CACNA2D2: variants seen among roughly 807,000 people sequenced by gnomAD.
CACNA2D2 encodes calcium voltage-gated channel auxiliary subunit alpha2delta 2.
Under a neutral mutation model 166.4 loss-of-function variants are expected in CACNA2D2, and 48 were observed. That is an observed-to-expected ratio of 0.29 (90% CI 0.23 to 0.37). The LOEUF is 0.37. Ranked by LOEUF, CACNA2D2 falls within the 10% of genes least tolerant of loss-of-function variation. CACNA2D2 has a pLI of 1.00. For missense variants in CACNA2D2, 1,122 were observed against 1,433.0 expected, an observed-to-expected ratio of 0.78 and a Z score of 3.50; for synonymous variants, 561 against 573.7, an observed-to-expected ratio of 0.98 and a Z score of 0.32.
At chr3:50,435,701 G>A (rs1708288238) in intron 2 of CACNA2D2, among the ~76,000 whole-genome samples, 1 of 152,052 alleles carries the variant, frequency 6.6e-6, no homozygotes, top group Admixed American at 6.5e-5. Flanking sequence ...CCAGTGCCTG[G>A]CAGTCCAGGG....
rs1332691961 is a variant in CACNA2D2, at chr3:50,365,045, C to A, written c.3208+30G>T. On this transcript the variant is annotated intron_variant, in intron 36 of 37. Coordinates refer to ENST00000424201, the MANE Select transcript of CACNA2D2 (RefSeq NM_006030.4). This position sits in a 1 kb window ranked among gnomAD's most constrained non-coding sequence, Gnocchi z 4.5. ...GGGGGCGCGCGGGGCAGAGGGGGAG[C>A]GGGCGGCGGGGAGGGCGGGGGCAGG... 2 of 1,217,830 alleles carry A rather than the reference C, an allele frequency of 1.6e-6. No homozygotes were observed. Among genetic ancestry groups the A allele is most frequent in the African/African-American group, 3.2e-5 (2 of 62,476 alleles). The allele number at this position is 1,217,830 out of a possible 1,614,324, so 75.4% of individuals were successfully genotyped here. A position where few individuals can be genotyped will look rare whatever the true frequency, so the allele number is the denominator to read the frequency against.
chr3:50,442,503 C>T (rs780141986), intron 2 of CACNA2D2, among the ~76,000 whole-genome samples: 3 of 152,194 alleles, frequency 2.0e-5, no homozygotes, highest in Non-Finnish European at 4.4e-5. Context: ...TGCAATACCA[C>T]GGAGACACCT....
In CACNA2D2 at chr3:50,365,586, A is replaced by G. The variant is rs1370949278; in HGVS notation, c.2971+47T>C. On this transcript the variant is annotated intron_variant, in intron 34 of 37. Transcript: ENST00000424201. This position sits in a 1 kb window ranked among gnomAD's most constrained non-coding sequence, Gnocchi z 4.5. Reference sequence around the variant, plus strand: ...CCTCCCCATGGAGTCGTCTTAGCTCAGATTGGGGACCCGGACTTGAGGAGG... The same window carrying G: ...CCTCCCCATGGAGTCGTCTTAGCTCGGATTGGGGACCCGGACTTGAGGAGG... The G allele has an allele frequency of 7.0e-6, 11 of 1,576,010 alleles. No individual in the cohort carries two copies. The highest frequency in any genetic ancestry group is 9.5e-6 in the Non-Finnish European group (11 of 1,160,482).
rs1172338003 is a variant in CACNA2D2 at position 50,376,261 on chromosome 3, T to C, written c.1627-73A>G. On this transcript the variant is annotated intron_variant, in intron 17 of 37. Transcript: ENST00000424201. The surrounding 1 kb of genome is among the most constrained non-coding windows in gnomAD (Gnocchi z 4.3). ...TTCCCTGGGCTCCGGAGTTCTTCCC[T>C]ATTTGGCCTCCCACCGCACCGAGAG... The C allele has an allele frequency of 7.3e-6, 11 of 1,497,242 alleles. No homozygotes were observed. The highest frequency in any genetic ancestry group is 1.0e-5 in the Non-Finnish European group (11 of 1,085,670). 92.7% of individuals were successfully genotyped at this position (1,497,242 alleles called of 1,614,324 possible).
chr3:50,402,996 T>C (rs536829879), intron 3 of CACNA2D2, among the ~76,000 whole-genome samples: 1 of 152,168 alleles, frequency 6.6e-6, no homozygotes, highest in Admixed American at 6.5e-5. Context: ...TCTAGAGATA[T>C]GTGTGGGCAC....
At chr3:50,385,036 G>A (rs771286354) in intron 5 of CACNA2D2, among the ~76,000 whole-genome samples, 24 of 152,348 alleles carry the variant, frequency 1.6e-4, no homozygotes, top group Admixed American at 2.6e-4. Flanking sequence ...CAGCCTGACA[G>A]GTGCCAATTA....
At chr3:50,474,606 G>A (rs1358579427) in intron 2 of CACNA2D2, among the ~76,000 whole-genome samples, 4 of 152,188 alleles carry the variant, frequency 2.6e-5, no homozygotes, top group Admixed American at 1.3e-4. Context: ...TCAAGCTAAA[G>A]GTTTGAGGCA....
intron 1 of CACNA2D2, among the ~76,000 whole-genome samples, chr3:50,491,232 G>A (rs566789389): frequency 6.6e-6 from 1 of 152,348 alleles, no homozygotes; most frequent in Non-Finnish European, 1.5e-5. Flanking sequence ...AGATGAGGTG[G>A]CAGGGGGAGC....
In CACNA2D2 at chr3:50,365,611, G is replaced by T. The variant is rs1704214598; in HGVS notation, c.2971+22C>A. 6.4e-7 allele frequency: 1 copy of T among 1,572,872 alleles called. No individual in the cohort carries two copies. The highest frequency in any genetic ancestry group is 8.6e-7 in the Non-Finnish European group (1 of 1,158,760). ...AGATTGGGGACCCGGACTTGAGGAG[G>T]CGCCTCCAAAGCCCTACCTACCTGC... On this transcript the variant is annotated intron_variant, in intron 34 of 37. Coordinates refer to ENST00000424201, the MANE Select transcript of CACNA2D2 (RefSeq NM_006030.4). This position sits in a 1 kb window ranked among gnomAD's most constrained non-coding sequence, Gnocchi z 4.5.
Position 50,366,485 on chromosome 3 carries a change from C to T in CACNA2D2, c.2637+93G>A. 3 of 1,510,672 alleles carry T rather than the reference C, an allele frequency of 2.0e-6. No homozygotes were observed. Among genetic ancestry groups the T allele is most frequent in the South Asian group, 2.3e-5 (2 of 88,794 alleles). The allele number at this position is 1,510,672 out of a possible 1,614,324, so 93.6% of individuals were successfully genotyped here. On this transcript the variant is annotated intron_variant, in intron 30 of 37. Coordinates refer to ENST00000424201, the MANE Select transcript of CACNA2D2 (RefSeq NM_006030.4). This position sits in a 1 kb window ranked among gnomAD's most constrained non-coding sequence, Gnocchi z 5.9. ...GTCAGGGTGGGGATGTTGAGACCCACAGGCCAAGGGATGTGCTGGGAGTCG... is the reference window on the plus strand; with the variant it reads ...GTCAGGGTGGGGATGTTGAGACCCATAGGCCAAGGGATGTGCTGGGAGTCG...
chr3:50,408,970 T>C (rs762097190), intron 3 of CACNA2D2, among the ~76,000 whole-genome samples: 1 of 152,220 alleles, frequency 6.6e-6, no homozygotes, highest in Admixed American at 6.5e-5. Context: ...TGTTATCCAC[T>C]ACACCATCTC....
At chr3:50,420,731 T>G (rs1305648338) in intron 3 of CACNA2D2, among the ~76,000 whole-genome samples, 1 of 152,282 alleles carries the variant, frequency 6.6e-6, no homozygotes, top group East Asian at 1.9e-4. Flanking sequence ...CTGTCAGCTG[T>G]GTTTGCTGCA....
At chr3:50,443,027 C>T (rs866043584) in intron 2 of CACNA2D2, among the ~76,000 whole-genome samples, 6 of 152,126 alleles carry the variant, frequency 3.9e-5, no homozygotes, top group African/African-American at 1.2e-4. Flanking sequence ...TGAACCAAAC[C>T]GCAGGCAAGA....
intron 4 of CACNA2D2, among the ~76,000 whole-genome samples, chr3:50,389,987 G>A (rs1442280495): frequency 6.6e-6 from 1 of 151,122 alleles, no homozygotes; most frequent in Admixed American, 6.6e-5. Context: ...TGGAGCTGGG[G>A]GTGTGGCGGG....
Position 50,384,348 on chromosome 3 carries a change from G to A in CACNA2D2, c.511-11C>T. Reference sequence around the variant, plus strand: ...ACTCTCAGGGTCGTCCTGCAGAAAGGGCACCCCCGAGCAATGTCAGGGCTG... The same window carrying A: ...ACTCTCAGGGTCGTCCTGCAGAAAGAGCACCCCCGAGCAATGTCAGGGCTG... On this transcript the variant is annotated splice_polypyrimidine_tract_variant and intron_variant, in intron 5 of 37. Coordinates refer to ENST00000424201, the MANE Select transcript of CACNA2D2 (RefSeq NM_006030.4). The A allele has an allele frequency of 6.2e-7, 1 of 1,613,222 alleles. No homozygotes were observed. The highest frequency in any genetic ancestry group is 8.5e-7 in the Non-Finnish European group (1 of 1,179,478).
chr3:50,459,045 C>T (rs1445246652), intron 2 of CACNA2D2, among the ~76,000 whole-genome samples: 2 of 152,246 alleles, frequency 1.3e-5, no homozygotes, highest in Admixed American at 1.3e-4. Flanking sequence ...GGTGGCCCCA[C>T]ATCCAGAAAT....
chr3:50,428,762 A>G (rs1156927879), intron 3 of CACNA2D2, among the ~76,000 whole-genome samples: 1 of 152,170 alleles, frequency 6.6e-6, no homozygotes, highest in Non-Finnish European at 1.5e-5. Flanking sequence ...GCCCAAGGTC[A>G]CTAGGTCATC....
intron 5 of CACNA2D2, among the ~76,000 whole-genome samples, chr3:50,387,253 C>T (rs1705654475): frequency 6.6e-6 from 1 of 152,218 alleles, no homozygotes; most frequent in African/African-American, 2.4e-5. Context: ...TTCCCAGCTG[C>T]TCCCTGTCTC....
In CACNA2D2 at chr3:50,367,023, G is replaced by A. The variant is rs1473718635; in HGVS notation, c.2488C>T (p.Leu830=). The A allele has an allele frequency of 6.2e-7, 1 of 1,613,752 alleles. No individual in the cohort carries two copies. Among genetic ancestry groups the A allele is most frequent in the South Asian group, 1.1e-5 (1 of 91,092 alleles). The change falls in exon 28 of 38, where the codon CTG becomes TTG. Residue 830 remains leucine, a synonymous_variant. Transcript: ENST00000424201. The surrounding 1 kb of genome is among the most constrained non-coding windows in gnomAD (Gnocchi z 6.5). ...CCCAAACATTCACCTGCTGGCCTCA[G>A]TGTGCGCCTGCCTAGGCTGAGCTCC... is the stretch of plus-strand genomic sequence containing the variant. The part of the protein sequence containing the change: ...AVELSLGRRT[L]RPAVVGVKLD...
Sources: gnomAD v4.1 joint callset for allele counts (sites outside exome capture counted in the v4.1 genomes callset) on GRCh38, gnomAD v4.1.1 for gene constraint, Gnocchi (gnomAD v3.1) non-coding constraint, MANE v1.5 for transcripts, NCBI Gene and HGNC (gene_info 2026-07-23, HGNC 2026-07-21) for gene names.